The following CCDC91 variants were observed in gnomAD, a reference collection of about 807,000 sequenced individuals.
CCDC91 encodes the protein coiled-coil domain containing 91.
A neutral mutation model predicts 63.2 loss-of-function variants in CCDC91; 48 were observed. The observed-to-expected ratio is 0.76, with a 90% CI of 0.60 to 0.97. The LOEUF (loss-of-function observed/expected upper bound fraction) is 0.97. Among genes scored for constraint, CCDC91 ranks in the 50% least tolerant of loss-of-function variants. The pLI is 0.00. For missense variants in CCDC91, 500 were observed against 494.6 expected, an observed-to-expected ratio of 1.01 and a Z score of -0.10; for synonymous variants, 167 against 165.8, an observed-to-expected ratio of 1.01 and a Z score of -0.06.
chr12:28,374,651 T>A (rs1944833631), intron 7 of CCDC91, among the ~76,000 whole-genome samples: 1 of 152,154 alleles, frequency 6.6e-6, no homozygotes, highest in Non-Finnish European at 1.5e-5. Context: ...TGATCAGCTG[T>A]TTCTGATTTA....
intron 7 of CCDC91, among the ~76,000 whole-genome samples, chr12:28,386,974 C>T (rs982092400): frequency 1.3e-5 from 2 of 151,772 alleles, no homozygotes; most frequent in African/African-American, 4.8e-5. Context: ...CTCAAGGAAG[C>T]CTCTTTGTCT....
intron 11 of CCDC91, among the ~76,000 whole-genome samples, chr12:28,466,971 G>A (rs1407660908): frequency 6.6e-6 from 1 of 152,058 alleles, no homozygotes; most frequent in Non-Finnish European, 1.5e-5. Context: ...TGAAGTTAAG[G>A]CAAAGTATTT....
At chr12:28,346,247 C>T (rs901514231) in intron 6 of CCDC91, among the ~76,000 whole-genome samples, 3 of 152,120 alleles carry the variant, frequency 2.0e-5, no homozygotes, top group East Asian at 3.9e-4. Context: ...CACCCCAGTG[C>T]GTGTTTTTCT....
chr12:28,264,389 T>A (rs1947036438), intron 3 of CCDC91, among the ~76,000 whole-genome samples: 1 of 149,814 alleles, frequency 6.7e-6, no homozygotes, highest in Admixed American at 6.7e-5. Context: ...GGCTAAGAAA[T>A]CTCTTTTAAA....
chr12:28,254,070 G>A (rs1946289443), intron 1 of CCDC91, among the ~76,000 whole-genome samples: 1 of 152,064 alleles, frequency 6.6e-6, no homozygotes, highest in African/African-American at 2.4e-5. Flanking sequence ...TATATGTTTT[G>A]TCCTTTTGTA....
At chr12:28,385,490 T>A (rs1212407410) in intron 7 of CCDC91, among the ~76,000 whole-genome samples, 1 of 152,164 alleles carries the variant, frequency 6.6e-6, no homozygotes, top group African/African-American at 2.4e-5. Flanking sequence ...AGTTGAGAGA[T>A]TATATTTGTT....
intron 3 of CCDC91, among the ~76,000 whole-genome samples, chr12:28,281,099 G>C (rs1948584921): frequency 6.6e-6 from 1 of 152,078 alleles, no homozygotes; most frequent in Non-Finnish European, 1.5e-5. Flanking sequence ...GAAAGTGTTT[G>C]AAGCATTGAT....
At chr12:28,266,705 G>C (rs1350061131) in intron 3 of CCDC91, among the ~76,000 whole-genome samples, 2 of 151,716 alleles carry the variant, frequency 1.3e-5, no homozygotes, top group African/African-American at 4.8e-5. Context: ...TAAGGACTGT[G>C]GTGTGCATTT....
intron 12 of CCDC91, among the ~76,000 whole-genome samples, chr12:28,511,041 T>C (rs1472406855): frequency 6.6e-6 from 1 of 151,930 alleles, no homozygotes; most frequent in Non-Finnish European, 1.5e-5. Flanking sequence ...TCGACATGTG[T>C]ACTTCATAAT....
At chr12:28,288,974 G>A (rs1364669042) in intron 3 of CCDC91, among the ~76,000 whole-genome samples, 2 of 152,130 alleles carry the variant, frequency 1.3e-5, no homozygotes, top group African/African-American at 4.8e-5. Context: ...ATGCATGGAG[G>A]TGTTCATAAT....
intron 1 of CCDC91, among the ~76,000 whole-genome samples, chr12:28,214,330 T>G (rs1348832480): frequency 6.6e-6 from 1 of 152,038 alleles, no homozygotes; most frequent in African/African-American, 2.4e-5. Context: ...AGGGTATCCC[T>G]TAGGATGTCT....
chr12:28,280,982 A>T (rs900497564), intron 3 of CCDC91, among the ~76,000 whole-genome samples: 43 of 152,040 alleles, frequency 2.8e-4, no homozygotes, highest in African/African-American at 1.0e-3. Flanking sequence ...GTCTAAAAAA[A>T]TAAATAAATA....
At chr12:28,217,121 A>G (rs1365037884) in intron 1 of CCDC91, among the ~76,000 whole-genome samples, 3 of 152,104 alleles carry the variant, frequency 2.0e-5, no homozygotes, top group Non-Finnish European at 2.9e-5. Context: ...GGCCCGAACT[A>G]ATCTCTTAAC....
chr12:28,309,884 C>T (rs151260674), intron 6 of CCDC91, among the ~76,000 whole-genome samples: 4 of 151,914 alleles, frequency 2.6e-5, no homozygotes, highest in African/African-American at 9.7e-5. Context: ...CATCCCCTAG[C>T]CCTTTTTATT....
chr12:28,196,278 ATTAC>A (rs1488026197), intron 1 of CCDC91, among the ~76,000 whole-genome samples: 1 of 152,170 alleles, frequency 6.6e-6, no homozygotes, highest in Non-Finnish European at 1.5e-5. Context: ...TAAATTTCCA[ATTAC>A]TTATGTAAGT....
At chr12:28,521,004 A>G (rs539909867) in intron 12 of CCDC91, among the ~76,000 whole-genome samples, 20 of 152,122 alleles carry the variant, frequency 1.3e-4, no homozygotes, top group South Asian at 4.2e-4. Context: ...GTCAGGTAGC[A>G]TGATGCCTCC....
intron 7 of CCDC91, among the ~76,000 whole-genome samples, chr12:28,379,803 G>T (rs1945177960): frequency 6.6e-6 from 1 of 152,054 alleles, no homozygotes; most frequent in Admixed American, 6.6e-5. Flanking sequence ...CCCATTACTG[G>T]GCATATACCC....
chr12:28,398,550 C>T (rs2139441275), intron 8 of CCDC91, among the ~76,000 whole-genome samples: 1 of 152,144 alleles, frequency 6.6e-6, no homozygotes, highest in South Asian at 2.1e-4. Context: ...ATTGCTGTGT[C>T]ATATGGTAAG....
chr12:28,363,503 A>C (rs1944041404), intron 7 of CCDC91, among the ~76,000 whole-genome samples: 1 of 152,204 alleles, frequency 6.6e-6, no homozygotes, highest in Admixed American at 6.5e-5. Flanking sequence ...AGAATATAGA[A>C]ATTTTTGTGT....
Sources: gnomAD v4.1 joint callset for allele counts (sites outside exome capture counted in the v4.1 genomes callset) on GRCh38, gnomAD v4.1.1 for gene constraint, MANE v1.5 for transcripts, NCBI Gene and HGNC (gene_info 2026-07-23, HGNC 2026-07-21) for gene names.